Variants in SFMBT1 observed in about 807,000 individuals in gnomAD.
SFMBT1 encodes scm-like with four MBT domains protein 1.
In SFMBT1, 32 loss-of-function variants were observed where a neutral mutation model predicts 108.7. That is an observed-to-expected ratio of 0.29 (90% CI 0.22 to 0.40). The LOEUF is 0.40. SFMBT1 is among the 10% of genes least tolerant of loss of function. SFMBT1 has a pLI of 1.00. For missense variants in SFMBT1, 816 were observed against 1,059.6 expected (o/e 0.77, Z 3.19); for synonymous variants, 348 against 369.5 (o/e 0.94, Z 0.67).
chr3:53,000,815 A>T (rs1034284961), intron 1 of SFMBT1, among the ~76,000 whole-genome samples: 2 of 150,204 alleles, frequency 1.3e-5, no homozygotes, highest in Middle Eastern at 3.2e-3. Context: ...ACACAAGACC[A>T]CAAAGCAAGA....
chr3:53,023,741 G>A (rs1367765114), intron 1 of SFMBT1, among the ~76,000 whole-genome samples: 1 of 152,170 alleles, frequency 6.6e-6, no homozygotes. Context: ...GTGGGCTCTG[G>A]TTTGTAGGCA....
intron 3 of SFMBT1, among the ~76,000 whole-genome samples, chr3:52,949,995 A>C (rs1430389603): frequency 6.6e-6 from 1 of 152,038 alleles, no homozygotes; most frequent in African/African-American, 2.4e-5. Context: ...TTTATATTTA[A>C]AGTGCTTTTA....
chr3:52,916,445 G>A (rs542775228), intron 13 of SFMBT1, among the ~76,000 whole-genome samples: 16 of 151,040 alleles, frequency 1.1e-4, no homozygotes, highest in East Asian at 9.7e-4. Context: ...TGACGTGGGC[G>A]GGTCACAAGG....
chr3:52,938,523 CA>C (rs1703091587), intron 4 of SFMBT1, among the ~76,000 whole-genome samples: 1 of 152,160 alleles, frequency 6.6e-6, no homozygotes, highest in East Asian at 1.9e-4. Context: ...TTTCTATAAA[CA>C]ATACTGAAGT....
At chr3:52,920,479 G>T in intron 12 of SFMBT1, 58 bp downstream of exon 12, 1 of 1,259,884 alleles carries the variant, frequency 7.9e-7, no homozygotes, top group Non-Finnish European at 1.1e-6. Flanking sequence ...TTAATTGGCA[G>T]CAGCCACACA....
intron 4 of SFMBT1, among the ~76,000 whole-genome samples, chr3:52,936,332 T>G (rs1353234080): frequency 6.6e-6 from 1 of 152,220 alleles, no homozygotes; most frequent in Non-Finnish European, 1.5e-5. Context: ...TACTTGATTG[T>G]CTTTACTCTT....
intron 18 of SFMBT1, 32 bp downstream of exon 18, chr3:52,907,523 A>C: frequency 6.3e-7 from 1 of 1,596,244 alleles, no homozygotes; most frequent in Non-Finnish European, 8.5e-7. Flanking sequence ...ACTTGGCTTC[A>C]AGACATTACA....
At chr3:53,003,155 T>G (rs1261547950) in intron 1 of SFMBT1, among the ~76,000 whole-genome samples, 1 of 146,424 alleles carries the variant, frequency 6.8e-6, no homozygotes, top group Non-Finnish European at 1.5e-5. Context: ...AGATGGTGTT[T>G]AAATTTTTAT....
At chr3:52,983,539 G>GA (rs960282635) in intron 1 of SFMBT1, among the ~76,000 whole-genome samples, 5 of 152,080 alleles carry the variant, frequency 3.3e-5, no homozygotes, top group African/African-American at 7.2e-5. Context: ...AATGTTAGGA[G>GA]AAAAAAACTG....
chr3:52,928,277 C>A lies in SFMBT1; in HGVS notation c.962G>T (p.Arg321Leu). 1.2e-6 allele frequency: 2 copies of A among 1,614,054 alleles called. No homozygotes were observed. Among genetic ancestry groups the A allele is most frequent in the Non-Finnish European group, 1.7e-6 (2 of 1,180,018 alleles). ...DDLRPENHAR[R>L]SFVCHADSPG... Reference sequence around the variant, plus strand: ...ACTGTCGGCGTGGCACACAAAGGATCGCCGTGCGTGGTTCTCAGGACGCAA... The same window carrying A: ...ACTGTCGGCGTGGCACACAAAGGATAGCCGTGCGTGGTTCTCAGGACGCAA... Residue 321 changes from arginine (R) to leucine (L), a missense_variant, in exon 9 of 21, where the codon CGA becomes CTA. Coordinates refer to ENST00000394752, the MANE Select transcript of SFMBT1 (RefSeq NM_016329.4).
At chr3:52,996,677 G>A (rs1698345212) in intron 1 of SFMBT1, among the ~76,000 whole-genome samples, 2 of 150,318 alleles carry the variant, frequency 1.3e-5, no homozygotes, top group Non-Finnish European at 3.0e-5. Context: ...ACGAACAATA[G>A]GAAATTTAAT....
chr3:53,036,986 A>G (rs1356870889), intron 1 of SFMBT1, among the ~76,000 whole-genome samples: 2 of 152,236 alleles, frequency 1.3e-5, no homozygotes, highest in Non-Finnish European at 2.9e-5. Flanking sequence ...ACAATGAGAT[A>G]AAAGACGAGG....
chr3:52,976,159 T>TG (rs1704513394), intron 1 of SFMBT1, among the ~76,000 whole-genome samples: 1 of 152,168 alleles, frequency 6.6e-6, no homozygotes, highest in Non-Finnish European at 1.5e-5. Context: ...CCCAGCACTT[T>TG]GGGAGGCCAA....
intron 1 of SFMBT1, among the ~76,000 whole-genome samples, chr3:52,986,564 G>A (rs1219640941): frequency 6.6e-6 from 1 of 151,770 alleles, no homozygotes; most frequent in Non-Finnish European, 1.5e-5. Flanking sequence ...TCAGGAGTTT[G>A]AGACCAGCCT....
intron 1 of SFMBT1, among the ~76,000 whole-genome samples, chr3:52,982,317 C>G (rs1704739909): frequency 6.6e-6 from 1 of 152,160 alleles, no homozygotes; most frequent in Admixed American, 6.5e-5. Context: ...TAGACTCCTG[C>G]TAGAGAAAAT....
In SFMBT1 at chr3:53,013,615, C is replaced by CT. The variant is rs397989629; in HGVS notation, c.-131+32200dup. ...GGAACACAGTTTATTTATAAAGAAT[C>CT]TTTTTTTTTTTTTTTTTTTTTTTTT... On this transcript the variant is annotated intron_variant, in intron 1 of 20. Coordinates refer to ENST00000394752, the MANE Select transcript of SFMBT1 (RefSeq NM_016329.4). 9.7e-3 allele frequency among the ~76,000 whole-genome samples: 561 copies of CT among 58,104 alleles called. 91 individuals carry two copies. The highest frequency in any genetic ancestry group is 0.012 in the Admixed American group (46 of 3,860). The allele number at this position is 58,104 out of a possible 152,430, so 38.1% of individuals were successfully genotyped here. A position where few individuals can be genotyped will look rare whatever the true frequency, so the allele number is the denominator to read the frequency against.
chr3:52,999,726 G>A (rs1396285772), intron 1 of SFMBT1, among the ~76,000 whole-genome samples: 1 of 150,004 alleles, frequency 6.7e-6, no homozygotes, highest in Non-Finnish European at 1.5e-5. Context: ...CTCATCCTGT[G>A]CCATGTTATG....
At chr3:53,039,851 T>C (rs996023254) in intron 1 of SFMBT1, among the ~76,000 whole-genome samples, 6 of 152,184 alleles carry the variant, frequency 3.9e-5, no homozygotes, top group Non-Finnish European at 7.3e-5. Flanking sequence ...CCAGGATACA[T>C]GTGCAGGATG....
chr3:52,981,940 C>G (rs1377689331), intron 1 of SFMBT1, among the ~76,000 whole-genome samples: 1 of 152,112 alleles, frequency 6.6e-6, no homozygotes, highest in Non-Finnish European at 1.5e-5. Flanking sequence ...TTTTTCTGAA[C>G]TGGTTCCATC....
Sources: gnomAD v4.1 joint callset for allele counts (sites outside exome capture counted in the v4.1 genomes callset) on GRCh38, gnomAD v4.1.1 for gene constraint, MANE v1.5 for transcripts, NCBI Gene and HGNC (gene_info 2026-07-23, HGNC 2026-07-21) for gene names.